Variants in ENTREP2 observed in about 807,000 individuals in gnomAD.
ENTREP2 encodes endosomal transmembrane epsin interactor 2, also known as protein ENTREP2.
chr15:29,480,360 A>AC, the ENTREP2 span, among the ~76,000 whole-genome samples: 30 of 147,920 alleles, frequency 2.0e-4, no homozygotes, highest in African/African-American at 7.1e-4. Flanking sequence ...AAAAAAAAAA[A>AC]AAAAAACCCA....
At chr15:29,140,707 C>G in the ENTREP2 span, among the ~76,000 whole-genome samples, 37 of 152,320 alleles carry the variant, frequency 2.4e-4, no homozygotes, top group Non-Finnish European at 4.7e-4. Flanking sequence ...GGCAGCCACC[C>G]CTCCCCCATC....
the ENTREP2 span, among the ~76,000 whole-genome samples, chr15:29,245,054 T>A: frequency 1.3e-5 from 2 of 152,066 alleles, no homozygotes; most frequent in South Asian, 2.1e-4. Context: ...CAGAAGAAAA[T>A]GTAATCATTT....
At chr15:29,216,999 T>C in the ENTREP2 span, among the ~76,000 whole-genome samples, 1 of 152,178 alleles carries the variant, frequency 6.6e-6, no homozygotes, top group East Asian at 1.9e-4. Context: ...TTTTATATCT[T>C]GGTTTAGGAA....
At chr15:29,208,511 C>T in the ENTREP2 span, among the ~76,000 whole-genome samples, 7 of 152,134 alleles carry the variant, frequency 4.6e-5, no homozygotes, top group African/African-American at 1.4e-4. Context: ...CTGCAGGAAG[C>T]GACAGCTGAG....
the ENTREP2 span, among the ~76,000 whole-genome samples, chr15:29,540,027 A>T: frequency 6.6e-6 from 1 of 152,214 alleles, no homozygotes; most frequent in South Asian, 2.1e-4. Flanking sequence ...GCTCCCGTGC[A>T]CCCAGGATGT....
At chr15:29,119,672 C>CAAA in the ENTREP2 span, among the ~76,000 whole-genome samples, 18 of 101,602 alleles carry the variant, frequency 1.8e-4, no homozygotes, top group African/African-American at 2.3e-4. Context: ...ACAATTCTAG[C>CAAA]AAAAAAAAAA....
At chr15:29,501,291 A>G in the ENTREP2 span, among the ~76,000 whole-genome samples, 1 of 152,026 alleles carries the variant, frequency 6.6e-6, no homozygotes, top group East Asian at 1.9e-4. Context: ...ACATTAGCAA[A>G]TGGAATCTAA....
chr15:29,597,525 G>A, the ENTREP2 span, among the ~76,000 whole-genome samples: 13 of 150,180 alleles, frequency 8.7e-5, no homozygotes, highest in Non-Finnish European at 1.9e-4. Context: ...CCGAGATTGC[G>A]CCATTGCACT....
chr15:29,347,404 G>A, the ENTREP2 span, among the ~76,000 whole-genome samples: 11 of 151,508 alleles, frequency 7.3e-5, no homozygotes, highest in Non-Finnish European at 1.5e-4. Flanking sequence ...TCCTGGCCTC[G>A]AGCAATCCTC....
At chr15:29,129,749 G>A in the ENTREP2 span, among the ~76,000 whole-genome samples, 4 of 152,118 alleles carry the variant, frequency 2.6e-5, no homozygotes, top group African/African-American at 4.8e-5. Context: ...TCTTCATTTT[G>A]CCCATTCTGC....
chr15:29,306,991 A>G, the ENTREP2 span, among the ~76,000 whole-genome samples: 1 of 151,386 alleles, frequency 6.6e-6, no homozygotes, highest in Non-Finnish European at 1.5e-5. Context: ...CAGGCAATCC[A>G]CCCTCCTCGG....
chr15:29,234,046 T>G, the ENTREP2 span: 2 of 1,460,888 alleles, frequency 1.4e-6, no homozygotes, highest in Admixed American at 3.3e-5. Context: ...TTCCTCATCC[T>G]CTATTGCTTT....
chr15:29,347,575 G>A, the ENTREP2 span, among the ~76,000 whole-genome samples: 2 of 151,988 alleles, frequency 1.3e-5, no homozygotes, highest in Non-Finnish European at 1.5e-5. Context: ...AGAGACTTAG[G>A]ACTTCAGAAT....
chr15:29,124,629 C>T, the ENTREP2 span: 569 of 1,451,118 alleles, frequency 3.9e-4, no homozygotes, highest in Admixed American at 1.0e-3. Flanking sequence ...GACCCACCAA[C>T]ACCCGCCCCA....
At chr15:29,639,769 T>C in the ENTREP2 span, among the ~76,000 whole-genome samples, 1 of 115,032 alleles carries the variant, frequency 8.7e-6, no homozygotes, top group African/African-American at 5.0e-5. Context: ...TTTTGTTTGC[T>C]TTTTTTTTTT....
chr15:29,199,587 AC>A, the ENTREP2 span, among the ~76,000 whole-genome samples: 6 of 152,214 alleles, frequency 3.9e-5, no homozygotes, highest in African/African-American at 1.4e-4. Flanking sequence ...GAGACACTAA[AC>A]AAATAATAAA....
At chr15:29,451,182 C>G in the ENTREP2 span, among the ~76,000 whole-genome samples, 2 of 152,238 alleles carry the variant, frequency 1.3e-5, no homozygotes, top group African/African-American at 4.8e-5. Context: ...CACTGAGCCT[C>G]TGGTGGCCCC....
the ENTREP2 span, among the ~76,000 whole-genome samples, chr15:29,434,188 A>AG: frequency 6.6e-6 from 1 of 152,194 alleles, no homozygotes; most frequent in Non-Finnish European, 1.5e-5. Context: ...AATCTTTCAA[A>AG]GGGATCATGG....
At chr15:29,363,460 C>T in the ENTREP2 span, among the ~76,000 whole-genome samples, 1 of 152,086 alleles carries the variant, frequency 6.6e-6, no homozygotes, top group Admixed American at 6.5e-5. Context: ...TTCTGATGGG[C>T]ACAGCAGGAA....
Sources: gnomAD v4.1 joint callset for allele counts (sites outside exome capture counted in the v4.1 genomes callset) on GRCh38, gnomAD v4.1.1 for gene constraint, MANE v1.5 for transcripts, NCBI Gene and HGNC (gene_info 2026-07-23, HGNC 2026-07-21) for gene names.